Variants in SNTG2 observed in about 807,000 individuals in gnomAD.
SNTG2 encodes the protein syntrophin gamma 2, also known as gamma-2-syntrophin.
SNTG2 carries 74 observed loss-of-function variants against 70.9 expected under a neutral mutation model. That is an observed-to-expected ratio of 1.04 (90% CI 0.86 to 1.27). The LOEUF (loss-of-function observed/expected upper bound fraction) is 1.27, where lower values mean the gene tolerates loss of function less well. Ranked by LOEUF, SNTG2 falls within the 50% of genes most tolerant of loss-of-function variation. The probability of loss-of-function intolerance (pLI) is 0.00; values close to 1 mark genes in which losing one functional copy is unlikely to be tolerated. For synonymous variants in SNTG2, 278 were observed against 273.8 expected (o/e 1.02, Z -0.15); for missense variants, 717 against 690.7 (o/e 1.04, Z -0.43).
intron 11 of SNTG2, among the ~76,000 whole-genome samples, chr2:1,243,478 T>A (rs112423734): frequency 8.2e-4 from 125 of 152,304 alleles, no homozygotes; most frequent in African/African-American, 2.9e-3. Context: ...AAAGAAGGCT[T>A]GCTGCTGCCA....
intron 1 of SNTG2, among the ~76,000 whole-genome samples, chr2:964,903 G>A (rs1379178317): frequency 6.6e-6 from 1 of 152,110 alleles, no homozygotes; most frequent in Non-Finnish European, 1.5e-5. Context: ...GGGGAGAATG[G>A]GTGGCAGCCC....
chr2:1,216,160 C>A (rs556218024), intron 9 of SNTG2, among the ~76,000 whole-genome samples: 2 of 152,342 alleles, frequency 1.3e-5, no homozygotes, highest in African/African-American at 4.8e-5. Flanking sequence ...AACTAGTTTA[C>A]AGTCCCACCA....
At chr2:1,339,524 G>C (rs1659980069) in intron 16 of SNTG2, among the ~76,000 whole-genome samples, 1 of 152,182 alleles carries the variant, frequency 6.6e-6, no homozygotes, top group Non-Finnish European at 1.5e-5. Context: ...CACATTGATA[G>C]AAGGAATGGT....
At chr2:1,187,927 T>C (rs1320210815) in intron 8 of SNTG2, among the ~76,000 whole-genome samples, 1 of 152,170 alleles carries the variant, frequency 6.6e-6, no homozygotes, top group African/African-American at 2.4e-5. Flanking sequence ...GAAAGAGCAT[T>C]TTACCAACAG....
chr2:1,059,857 A>G (rs559422450), intron 1 of SNTG2, among the ~76,000 whole-genome samples: 1 of 152,194 alleles, frequency 6.6e-6, no homozygotes. Flanking sequence ...TTACTACAAC[A>G]TACCATAAAT....
intron 6 of SNTG2, among the ~76,000 whole-genome samples, chr2:1,146,383 T>G (rs1199330650): frequency 6.6e-6 from 1 of 151,912 alleles, no homozygotes; most frequent in Non-Finnish European, 1.5e-5. Flanking sequence ...ACTACAAAAT[T>G]GATGAAAGAA....
chr2:1,172,198 C>T (rs1354899785), intron 7 of SNTG2, among the ~76,000 whole-genome samples: 1 of 152,280 alleles, frequency 6.6e-6, no homozygotes, highest in Non-Finnish European at 1.5e-5. Flanking sequence ...GTGCTTCTTT[C>T]CTCTTTCCAG....
At chr2:1,012,465 G>C (rs1204631272) in intron 1 of SNTG2, among the ~76,000 whole-genome samples, 1 of 152,228 alleles carries the variant, frequency 6.6e-6, no homozygotes, top group Non-Finnish European at 1.5e-5. Context: ...TAGTCACACA[G>C]AAAAGGGGCG....
intron 8 of SNTG2, among the ~76,000 whole-genome samples, chr2:1,184,875 C>G (rs1183912434): frequency 6.6e-6 from 1 of 152,178 alleles, no homozygotes; most frequent in East Asian, 1.9e-4. Context: ...AATCATTCCT[C>G]CTCAACAGTC....
intron 1 of SNTG2, among the ~76,000 whole-genome samples, chr2:1,039,244 T>G (rs191509680): frequency 6.6e-6 from 1 of 152,224 alleles, no homozygotes; most frequent in African/African-American, 2.4e-5. Context: ...TATTTTCTTG[T>G]GATAGTTTTA....
intron 16 of SNTG2, among the ~76,000 whole-genome samples, chr2:1,316,830 TGAGGC>T (rs1681305357): frequency 1.0e-5 from 1 of 99,318 alleles, no homozygotes; most frequent in Non-Finnish European, 2.2e-5. Context: ...GCATTTAGCA[TGAGGC>T]CAGCATTGGA....
intron 9 of SNTG2, among the ~76,000 whole-genome samples, chr2:1,222,382 T>A (rs1278909361): frequency 1.3e-5 from 2 of 152,272 alleles, no homozygotes. Context: ...TTAATTTGAT[T>A]TTTCTTTCCT....
At chr2:1,167,212 C>A (rs182558658) in intron 7 of SNTG2, among the ~76,000 whole-genome samples, 3 of 150,632 alleles carry the variant, frequency 2.0e-5, no homozygotes, top group Non-Finnish European at 3.0e-5. Context: ...CCACAGATGG[C>A]GGAACTGAAG....
rs117977086 is a variant in SNTG2 at position 1,114,719 on chromosome 2, C to A, written c.325+16309C>A. ...TGTACTCATGTTTAACCCCTATAGT[C>A]CTTTGAGGAGAATTGTGTGTACTAA... On this transcript the variant is annotated intron_variant, in intron 4 of 16. Transcript: ENST00000308624. 8.6e-5 allele frequency among the ~76,000 whole-genome samples: 13 copies of A among 151,854 alleles called. No homozygotes were observed. The East Asian group carries it at 2.5e-3, about 30-fold the overall frequency.
intron 1 of SNTG2, among the ~76,000 whole-genome samples, chr2:985,178 A>C (rs933365253): frequency 6.6e-6 from 1 of 152,216 alleles, no homozygotes; most frequent in African/African-American, 2.4e-5. Flanking sequence ...TAAAGAAAAC[A>C]GCACGGACTC....
intron 9 of SNTG2, among the ~76,000 whole-genome samples, chr2:1,229,864 A>G (rs28503583): frequency 0.33 from 50,373 of 152,178 alleles, 10,206 homozygotes; most frequent in African/African-American, 0.58. Flanking sequence ...TTATTGCCCG[A>G]GGCCGGCAGG....
At position 1,016,457 on chromosome 2, in the gene SNTG2, C is replaced by T. The variant is rs185038993; in HGVS notation, c.72+65389C>T. On this transcript the variant is annotated intron_variant, in intron 1 of 16. Coordinates refer to ENST00000308624, the MANE Select transcript of SNTG2 (RefSeq NM_018968.4). ...GGTTTTACCATGTTGGCCAGGTTGG[C>T]CTCAAACTCCTGATCTCAGGTGATC... is the stretch of plus-strand genomic sequence containing the variant. 4.6e-5 allele frequency among the ~76,000 whole-genome samples: 7 copies of T among 152,218 alleles called. No homozygotes were observed. The East Asian group carries it at 1.2e-3, about 25-fold the overall frequency.
Position 1,199,401 on chromosome 2 carries a change from C to T in SNTG2, c.592-9702C>T, listed in dbSNP as rs561046075. On this transcript the variant is annotated intron_variant, in intron 8 of 16. Transcript: ENST00000308624. ...AGCATAAGGTCATATATGACAGGCC[C>T]ATGACTAGTATTGTAGTGAATGGGG... Among the ~76,000 whole-genome samples the T allele has an allele frequency of 5.9e-5, 9 of 152,000 alleles. No homozygotes were observed. In the South Asian group the frequency reaches 1.7e-3, roughly 28 times the overall value.
intron 4 of SNTG2, among the ~76,000 whole-genome samples, chr2:1,136,208 G>A (rs972183122): frequency 6.6e-5 from 10 of 152,134 alleles, no homozygotes; most frequent in African/African-American, 1.9e-4. Flanking sequence ...CGGCTTGAGA[G>A]TCCATTATTC....
Sources: allele counts gnomAD v4.1 joint callset (sites outside exome capture counted in the v4.1 genomes callset), GRCh38; gene constraint gnomAD v4.1.1; transcripts MANE v1.5; gene names NCBI Gene and HGNC (gene_info 2026-07-23, HGNC 2026-07-21).